Variants in SPAG16 observed in about 807,000 individuals in gnomAD.
SPAG16 encodes the protein sperm associated antigen 16.
SPAG16 carries 86 observed loss-of-function variants against 80.4 expected under a neutral mutation model. That is an observed-to-expected ratio of 1.07 (90% CI 0.90 to 1.28). SPAG16 has a LOEUF of 1.28. SPAG16 is among the 50% of genes most tolerant of loss of function. The probability of loss-of-function intolerance (pLI) is 0.00; values close to 1 mark genes in which losing one functional copy is unlikely to be tolerated. For missense variants in SPAG16, 870 were observed against 765.3 expected, an observed-to-expected ratio of 1.14 and a Z score of -1.61; for synonymous variants, 294 against 265.9, an observed-to-expected ratio of 1.11 and a Z score of -1.03.
intron 14 of SPAG16, among the ~76,000 whole-genome samples, chr2:214,141,689 T>TC (rs1479880271): frequency 6.6e-6 from 1 of 152,076 alleles, no homozygotes; most frequent in Non-Finnish European, 1.5e-5. Context: ...TGAGGTTTTT[T>TC]CCCCCGGTAC....
intron 10 of SPAG16, among the ~76,000 whole-genome samples, chr2:213,558,831 C>A (rs997565555): frequency 4.6e-5 from 7 of 152,048 alleles, no homozygotes; most frequent in Non-Finnish European, 8.8e-5. Flanking sequence ...CTTCAAAAAT[C>A]ATTCGTTTTA....
intron 11 of SPAG16, among the ~76,000 whole-genome samples, chr2:213,913,604 CAT>C (rs2077795150): frequency 3.2e-4 from 3 of 9,278 alleles, no homozygotes; most frequent in South Asian, 8.5e-3. Context: ...TGTATATGTA[CAT>C]GTACATATAT....
intron 10 of SPAG16, among the ~76,000 whole-genome samples, chr2:213,670,496 C>G (rs1429445613): frequency 1.3e-5 from 2 of 151,130 alleles, no homozygotes; most frequent in Non-Finnish European, 2.9e-5. Context: ...TTAAAGAAAT[C>G]ACTTATTTGT....
At chr2:213,593,255 C>G (rs1200654292) in intron 10 of SPAG16, among the ~76,000 whole-genome samples, 1 of 152,134 alleles carries the variant, frequency 6.6e-6, no homozygotes, top group Non-Finnish European at 1.5e-5. Context: ...TCAGATTGAA[C>G]AGTGCATTTT....
intron 15 of SPAG16, among the ~76,000 whole-genome samples, chr2:214,366,522 T>A (rs1017056881): frequency 2.6e-5 from 4 of 152,252 alleles, no homozygotes; most frequent in African/African-American, 9.6e-5. Flanking sequence ...TATATTATCA[T>A]TTATGGATTA....
At chr2:214,298,504 C>A (rs1694316603) in intron 15 of SPAG16, among the ~76,000 whole-genome samples, 1 of 151,986 alleles carries the variant, frequency 6.6e-6, no homozygotes, top group South Asian at 2.1e-4. Flanking sequence ...TAAGTGGAAC[C>A]TAAAGGAGAA....
At chr2:214,354,835 T>C (rs1032411810) in intron 15 of SPAG16, among the ~76,000 whole-genome samples, 2 of 152,158 alleles carry the variant, frequency 1.3e-5, no homozygotes, top group Non-Finnish European at 2.9e-5. Context: ...CTTGTGATTT[T>C]TGTACATTGA....
At position 214,010,529 on chromosome 2, in the gene SPAG16, T is replaced by C. The variant is rs966006639; in HGVS notation, c.1401-3422T>C. Among the ~76,000 whole-genome samples, 3 of 146,468 alleles carry C rather than the reference T, an allele frequency of 2.0e-5. 1 individual carries two copies. Among genetic ancestry groups the C allele is most frequent in the Non-Finnish European group, 4.5e-5 (3 of 67,276 alleles). On this transcript the variant is annotated intron_variant, in intron 12 of 15. Coordinates refer to ENST00000331683, the MANE Select transcript of SPAG16 (RefSeq NM_024532.5). The stretch of plus-strand genomic sequence containing the variant: ...AAGAAACTGTAAGGGCTCTTGGGTG[T>C]AAACAGCAAACGAACCCCAAAGAAG...
chr2:214,341,076 T>C (rs1341788762), intron 15 of SPAG16, among the ~76,000 whole-genome samples: 1 of 151,928 alleles, frequency 6.6e-6, no homozygotes, highest in Non-Finnish European at 1.5e-5. Flanking sequence ...TACACTGGTG[T>C]CCCCCAAAAA....
chr2:213,424,748 A>T (rs2069804115), intron 9 of SPAG16, among the ~76,000 whole-genome samples: 1 of 152,230 alleles, frequency 6.6e-6, no homozygotes, highest in East Asian at 1.9e-4. Context: ...CATTTTTTAA[A>T]GATACCCTTT....
chr2:213,723,620 G>T lies in SPAG16; in HGVS notation c.1071-138865G>T, dbSNP rs199866933. ...TGGTTGGGGACATCTTTTATGGCTT[G>T]CCAGGTCTTCCTTTGCTTCAAGAGA... On this transcript the variant is annotated intron_variant, in intron 10 of 15. Transcript: ENST00000331683. 2.3e-3 allele frequency among the ~76,000 whole-genome samples: 342 copies of T among 151,864 alleles called. 2 individuals are homozygous for T. Among genetic ancestry groups the T allele is most frequent in the African/African-American group, 7.9e-3 (328 of 41,536 alleles).
At chr2:214,177,967 GTATGTATATATATATATA>G (rs1205560638) in intron 15 of SPAG16, among the ~76,000 whole-genome samples, 2 of 18,168 alleles carry the variant, frequency 1.1e-4, no homozygotes, top group African/African-American at 3.2e-4. Flanking sequence ...TTCACAAAGT[GTATGTATATATATATATA>G]TATATATATA....
chr2:214,271,661 A>C (rs1049198344), intron 15 of SPAG16, among the ~76,000 whole-genome samples: 4 of 152,052 alleles, frequency 2.6e-5, no homozygotes, highest in African/African-American at 9.7e-5. Context: ...TTAGCTGGGC[A>C]TGGCGGTGGG....
chr2:213,329,988 A>T (rs373444237), intron 5 of SPAG16, among the ~76,000 whole-genome samples: 38 of 152,310 alleles, frequency 2.5e-4, no homozygotes, highest in African/African-American at 8.9e-4. Context: ...TGTGATGTTG[A>T]GCCTGCAGGT....
chr2:213,717,137 T>C (rs2066270499), intron 10 of SPAG16, among the ~76,000 whole-genome samples: 1 of 151,792 alleles, frequency 6.6e-6, no homozygotes, highest in African/African-American at 2.4e-5. Flanking sequence ...AACTCAACTG[T>C]GAAAAGCAGA....
intron 10 of SPAG16, among the ~76,000 whole-genome samples, chr2:213,814,057 AAGAG>A (rs1230338253): frequency 6.6e-6 from 1 of 152,098 alleles, no homozygotes; most frequent in Admixed American, 6.5e-5. Context: ...GAGAGACTGA[AAGAG>A]AGATGAATTG....
chr2:213,285,857 T>C, intron 1 of SPAG16: 1 of 1,285,956 alleles, frequency 7.8e-7, no homozygotes. Context: ...TATTCCTCTT[T>C]AACAACGATT....
At chr2:213,869,608 G>A (rs2075871167) in intron 11 of SPAG16, among the ~76,000 whole-genome samples, 1 of 149,832 alleles carries the variant, frequency 6.7e-6, no homozygotes, top group East Asian at 1.9e-4. Context: ...TATGTGAAAG[G>A]GCTAAGCATT....
Position 213,929,000 on chromosome 2 carries a change from CTTTTTTTTTTT to C in SPAG16, c.1215-939_1215-929del, listed in dbSNP as rs59993057. Among the ~76,000 whole-genome samples the C allele has an allele frequency of 6.9e-4, 28 of 40,852 alleles. 1 individual carries two copies. Among genetic ancestry groups the C allele is most frequent in the East Asian group, 5.0e-3 (5 of 992 alleles). The allele number at this position is 40,852 out of a possible 152,430, so 26.8% of individuals were successfully genotyped here. On this transcript the variant is annotated intron_variant, in intron 11 of 15. Transcript: ENST00000331683. Reference sequence around the variant, plus strand: ...GACACCTACCCATTTCTTTTCTTTTCTTTTTTTTTTTTTTTTTTTTTTTTTTTTTTTAAGAC... The same window carrying C: ...GACACCTACCCATTTCTTTTCTTTTCTTTTTTTTTTTTTTTTTTTTAAGAC...
Sources: gnomAD v4.1 joint callset for allele counts (sites outside exome capture counted in the v4.1 genomes callset) on GRCh38, gnomAD v4.1.1 for gene constraint, MANE v1.5 for transcripts, NCBI Gene and HGNC (gene_info 2026-07-23, HGNC 2026-07-21) for gene names.